PCCA: variants seen among roughly 807,000 people sequenced by gnomAD.
PCCA encodes propionyl-CoA carboxylase subunit alpha, also known as propionyl-CoA carboxylase alpha chain, mitochondrial.
In PCCA, 74 loss-of-function variants were observed where a neutral mutation model predicts 101.3. The observed-to-expected ratio is 0.73, with a 90% CI of 0.61 to 0.89. The LOEUF is 0.89. PCCA is among the 40% of genes least tolerant of loss of function. The pLI is 0.00. For missense variants in PCCA, 891 were observed against 907.0 expected, an observed-to-expected ratio of 0.98 and a Z score of 0.23; for synonymous variants, 294 against 313.6, an observed-to-expected ratio of 0.94 and a Z score of 0.66.
chr13:100,439,502 G>A (rs990499091), intron 20 of PCCA, among the ~76,000 whole-genome samples: 2 of 152,070 alleles, frequency 1.3e-5, no homozygotes. Context: ...CCTGCTGGAT[G>A]AATAGAAGTT....
At chr13:100,458,395 TAC>T (rs1481972572) in intron 21 of PCCA, among the ~76,000 whole-genome samples, 1 of 57,064 alleles carries the variant, frequency 1.8e-5, no homozygotes, top group Non-Finnish European at 3.5e-5. Context: ...CACGCACATA[TAC>T]ACACAGTGGG....
chr13:100,359,830 A>C (rs79073473), intron 18 of PCCA, among the ~76,000 whole-genome samples: 1 of 152,358 alleles, frequency 6.6e-6, no homozygotes, highest in Non-Finnish European at 1.5e-5. Context: ...CTGCTCATGG[A>C]CTGGAAGAGA....
At chr13:100,123,762 A>G (rs772879384) in intron 4 of PCCA, among the ~76,000 whole-genome samples, 34 of 152,194 alleles carry the variant, frequency 2.2e-4, no homozygotes, top group South Asian at 4.1e-4. Flanking sequence ...ACATAGGTCT[A>G]TGGAATACAT....
intron 19 of PCCA, among the ~76,000 whole-genome samples, chr13:100,398,851 A>G (rs937298970): frequency 6.6e-6 from 1 of 152,172 alleles, no homozygotes; most frequent in Non-Finnish European, 1.5e-5. Flanking sequence ...ACTACATGCA[A>G]TTTGCTTCAG....
At chr13:100,381,706 A>G (rs2076237399) in intron 19 of PCCA, among the ~76,000 whole-genome samples, 1 of 152,198 alleles carries the variant, frequency 6.6e-6, no homozygotes, top group South Asian at 2.1e-4. Context: ...TAATCAGCCT[A>G]TAGCTCTCAA....
chr13:100,103,631 A>ATGT, intron 2 of PCCA, among the ~76,000 whole-genome samples: 1 of 146,826 alleles, frequency 6.8e-6, no homozygotes, highest in Non-Finnish European at 1.5e-5. Context: ...CTTAATATTT[A>ATGT]TATTATTTAT....
At position 100,252,101 on chromosome 13, in the gene PCCA, C is replaced by A. The variant is rs544349245; in HGVS notation, c.638-5494C>A. Among the ~76,000 whole-genome samples, 16 of 152,300 alleles carry A rather than the reference C, an allele frequency of 1.1e-4. No homozygotes were observed. In the East Asian group the frequency reaches 2.5e-3, roughly 24 times the overall value. Reference sequence around the variant, plus strand: ...CTATGTAATTCTCATGAGCAACTTTCATCTGGGGATTTCCTTCCTTTCTGT... The same window carrying A: ...CTATGTAATTCTCATGAGCAACTTTAATCTGGGGATTTCCTTCCTTTCTGT... On this transcript the variant is annotated intron_variant, in intron 8 of 23. Coordinates refer to ENST00000376285, the MANE Select transcript of PCCA (RefSeq NM_000282.4).
intron 21 of PCCA, among the ~76,000 whole-genome samples, chr13:100,509,602 A>AT (rs1346508870): frequency 6.6e-6 from 1 of 152,138 alleles, no homozygotes; most frequent in South Asian, 2.1e-4. Flanking sequence ...GCTTCTGTTT[A>AT]TTTTTTATTT....
rs1227664441 is a variant in PCCA, at chr13:100,157,290, C to T, written c.418C>T (p.His140Tyr). 1.2e-6 allele frequency: 2 copies of T among 1,609,028 alleles called. No individual in the cohort carries two copies. Among genetic ancestry groups the T allele is most frequent in the Non-Finnish European group, 1.7e-6 (2 of 1,175,530 alleles). Residue 140 changes from histidine to tyrosine, a missense_variant, in exon 6 of 24, where the codon CAT (histidine) becomes TAT (tyrosine). Physicochemically the swap from His to Tyr is moderately conservative, Grantham distance 83 (BLOSUM62 2). Coordinates refer to ENST00000376285, the MANE Select transcript of PCCA (RefSeq NM_000282.4). The part of the protein sequence containing the change: ...AIKKTRAQAV[H>Y]PGYGFLSENK... ...GCTTTTTGCTTTCATTTCTAAGGTA[C>T]ATCCAGGTTATGGATTCCTTTCAGA...
At chr13:100,429,545 CTATT>C (rs1169881869) in intron 20 of PCCA, among the ~76,000 whole-genome samples, 3 of 151,728 alleles carry the variant, frequency 2.0e-5, no homozygotes, top group Admixed American at 2.0e-4. Context: ...TTAAATATTA[CTATT>C]TATCATTAAC....
Position 100,515,587 on chromosome 13 carries a change from C to T in PCCA, c.2040+20C>T. On this transcript the variant is annotated intron_variant, in intron 22 of 23. Transcript: ENST00000376285. The stretch of plus-strand genomic sequence containing the variant: ...GACGCGGTAAGGGCTGTGTGTGTCT[C>T]TCTGCAGGACATGCTGGTCTCCAAC... 6 of 1,612,232 alleles carry T rather than the reference C, an allele frequency of 3.7e-6. No homozygotes were observed. In the South Asian group the frequency reaches 5.5e-5, roughly 15 times the overall value.
intron 19 of PCCA, among the ~76,000 whole-genome samples, chr13:100,419,487 AAAAG>A (rs2078606728): frequency 6.6e-6 from 1 of 151,520 alleles, no homozygotes; most frequent in South Asian, 2.1e-4. Context: ...AAAAAAAAAG[AAAAG>A]AAAAGAAATT....
Position 100,425,716 on chromosome 13 carries a change from T to C in PCCA, c.1830T>C (p.Thr610=). ...SPLLSVSVDG[T]QRTVQCLSRE... The stretch of plus-strand genomic sequence containing the variant: ...TATTGTCTGTCAGCGTTGATGGCAC[T>C]CAGAGGACTGTCCAGGTGAGTGTTG... The change falls in exon 20 of 24, where the codon ACT becomes ACC. Residue 610 remains threonine, a synonymous_variant. Coordinates refer to ENST00000376285, the MANE Select transcript of PCCA (RefSeq NM_000282.4). 6.2e-7 allele frequency: 1 copy of C among 1,611,996 alleles called. No individual in the cohort carries two copies. Among genetic ancestry groups the C allele is most frequent in the Non-Finnish European group, 8.5e-7 (1 of 1,178,050 alleles).
At chr13:100,295,347 T>G in intron 12 of PCCA, among the ~76,000 whole-genome samples, 1 of 152,214 alleles carries the variant, frequency 6.6e-6, no homozygotes. Flanking sequence ...AGTTTCCTCA[T>G]ATTTCAGTGG....
At chr13:100,406,922 A>G (rs2077717634) in intron 19 of PCCA, among the ~76,000 whole-genome samples, 1 of 152,170 alleles carries the variant, frequency 6.6e-6, no homozygotes, top group African/African-American at 2.4e-5. Context: ...ACAATCTTCA[A>G]AGTTATTAGA....
In PCCA at chr13:100,368,528, A is replaced by T; in HGVS notation, c.1700A>T (p.Asp567Val). ...ANWELSVKLH[D>V]KVHTVVASNN... ...TGGGAGCTCTCAGTAAAATTGCATG[A>T]TAAAGTTCATACCGTAGTAGCATCA... Residue 567 changes from aspartate to valine, a missense_variant, in exon 19 of 24, where the codon GAT becomes GTT. Transcript: ENST00000376285. The T allele has an allele frequency of 2.5e-6, 4 of 1,611,444 alleles. No individual in the cohort carries two copies. The highest frequency in any genetic ancestry group is 3.4e-6 in the Non-Finnish European group (4 of 1,178,308).
intron 6 of PCCA, chr13:100,161,729 C>G (rs932917198): frequency 6.6e-6 from 1 of 151,796 alleles, no homozygotes; most frequent in Non-Finnish European, 1.5e-5. Flanking sequence ...GTTTATAACT[C>G]TTATTTTCAC....
At chr13:100,239,333 A>G (rs1008273439) in intron 8 of PCCA, among the ~76,000 whole-genome samples, 7 of 152,184 alleles carry the variant, frequency 4.6e-5, no homozygotes, top group Non-Finnish European at 1.0e-4. Context: ...ACTTTTTATT[A>G]TACTGTGTCT....
chr13:100,421,788 G>A (rs1359779987), intron 19 of PCCA, among the ~76,000 whole-genome samples: 2 of 151,930 alleles, frequency 1.3e-5, no homozygotes, highest in South Asian at 2.1e-4. Flanking sequence ...AGGTTCAAGC[G>A]ATTCTCCTGC....
Sources: gnomAD v4.1 joint callset for allele counts (sites outside exome capture counted in the v4.1 genomes callset) on GRCh38, gnomAD v4.1.1 for gene constraint, MANE v1.5 for transcripts, NCBI Gene and HGNC (gene_info 2026-07-23, HGNC 2026-07-21) for gene names.